The following FBN2 variants were observed in gnomAD, a reference collection of about 807,000 sequenced individuals.
The protein encoded by FBN2 is fibrillin-2.
FBN2 carries 105 observed loss-of-function variants against 355.6 expected under a neutral mutation model. That is an observed-to-expected ratio of 0.30 (90% confidence interval 0.25 to 0.35). The LOEUF is 0.35. FBN2 is among the 10% of genes least tolerant of loss of function. The pLI, the probability that FBN2 is intolerant of heterozygous loss-of-function variation, is 1.00. For missense variants in FBN2, 3,280 were observed against 3,758.7 expected (o/e 0.87, Z 3.33); for synonymous variants, 1,350 against 1,301.2 (o/e 1.04, Z -0.81).
rs573479599 is a variant in FBN2, at chr5:128,516,789, C to T, written c.628+2484G>A. Among the ~76,000 whole-genome samples the T allele has an allele frequency of 3.3e-5, 5 of 152,236 alleles. No individual in the cohort carries two copies. The South Asian group carries it at 1.0e-3, about 32-fold the overall frequency. On this transcript the variant is annotated intron_variant, in intron 5 of 64. Coordinates refer to ENST00000262464, the MANE Select transcript of FBN2 (RefSeq NM_001999.4). ...CACCAACCTCAACATAAGTGAGTTA[C>T]TCTTTTTGCATCCACACAGACACAA...
chr5:128,311,835 A>C, intron 38 of FBN2, 50 bp downstream of exon 38: 4 of 1,388,490 alleles, frequency 2.9e-6, no homozygotes, highest in Non-Finnish European at 4.1e-6. Context: ...TTTTCTCTAT[A>C]ATTAACTCTT....
chr5:128,285,913 T>C (rs1379290579), intron 55 of FBN2, among the ~76,000 whole-genome samples: 1 of 152,202 alleles, frequency 6.6e-6, no homozygotes, highest in African/African-American at 2.4e-5. Flanking sequence ...CATACATACA[T>C]TGTTTTCATT....
At chr5:128,491,726 A>G (rs1356528423) in intron 5 of FBN2, among the ~76,000 whole-genome samples, 1 of 152,230 alleles carries the variant, frequency 6.6e-6, no homozygotes, top group African/African-American at 2.4e-5. Context: ...AAGTCAACAA[A>G]AAGTCTACCT....
Position 128,334,973 on chromosome 5 carries a change from CGT to C in FBN2, c.3974-131_3974-130del, listed in dbSNP as rs1581223840. 3.5e-6 allele frequency: 4 copies of C among 1,143,898 alleles called. No homozygotes were observed. In the East Asian group the frequency reaches 7.5e-5, roughly 21 times the overall value. The allele number at this position is 1,143,898 out of a possible 1,614,324, so 70.9% of individuals were successfully genotyped here. A position where few individuals can be genotyped will look rare whatever the true frequency, so the allele number is the denominator to read the frequency against. ...AAAATATAATCCATCCGCAAATCAT[CGT>C]GTTATAGATAAATATACAACCTGCC... On this transcript the variant is annotated intron_variant, in intron 30 of 64. Coordinates refer to ENST00000262464, the MANE Select transcript of FBN2 (RefSeq NM_001999.4).
intron 8 of FBN2, among the ~76,000 whole-genome samples, chr5:128,403,382 G>T (rs1287342852): frequency 6.6e-6 from 1 of 152,164 alleles, no homozygotes; most frequent in Non-Finnish European, 1.5e-5. Flanking sequence ...ATTACTGGAA[G>T]AATTTCTAAA....
intron 8 of FBN2, among the ~76,000 whole-genome samples, chr5:128,401,817 A>G (rs924176619): frequency 1.3e-5 from 2 of 152,174 alleles, no homozygotes; most frequent in African/African-American, 4.8e-5. Context: ...ATTGTTCTAC[A>G]CAGTTTGGAA....
chr5:128,438,637 G>A (rs191907598), intron 7 of FBN2, among the ~76,000 whole-genome samples: 55 of 152,216 alleles, frequency 3.6e-4, no homozygotes, highest in Admixed American at 9.2e-4. Flanking sequence ...CTGTTCTGGG[G>A]GATAAAGGTT....
chr5:128,436,179 C>A (rs142709265), intron 7 of FBN2, among the ~76,000 whole-genome samples: 2 of 152,240 alleles, frequency 1.3e-5, no homozygotes, highest in Admixed American at 6.5e-5. Context: ...GATAAATATG[C>A]TAGGAGGTGC....
chr5:128,276,090 C>T lies in FBN2; in HGVS notation c.7542G>A (p.Gln2514=). The change falls in exon 59 of 65, where the codon CAG becomes CAA. Residue 2514 remains glutamine, a synonymous_variant. Coordinates refer to ENST00000262464, the MANE Select transcript of FBN2 (RefSeq NM_001999.4). ...YICKNTEGSY[Q]CSCPRGYVLQ... is the part of the protein sequence containing the mutation. ...GGACATACCCCCTCGGACATGAACA[C>T]TGATAACTCCCCTCAGTGTTCTTGC... 1 of 1,613,866 alleles carries T rather than the reference C, an allele frequency of 6.2e-7. No individual in the cohort carries two copies. The highest frequency in any genetic ancestry group is 8.5e-7 in the Non-Finnish European group (1 of 1,179,782).
chr5:128,319,195 C>CAAGA (rs1427726587), intron 34 of FBN2, among the ~76,000 whole-genome samples, 194 bp from the exon 35 acceptor site: 6 of 151,520 alleles, frequency 4.0e-5, no homozygotes, highest in African/African-American at 9.7e-5. Context: ...CTAAGATATA[C>CAAGA]AAGAATACTG....
chr5:128,494,249 C>A (rs1353777921), intron 5 of FBN2, among the ~76,000 whole-genome samples: 1 of 152,096 alleles, frequency 6.6e-6, no homozygotes, highest in Non-Finnish European at 1.5e-5. Flanking sequence ...AGAAGAAAGA[C>A]CTCTGAAACT....
rs1581224070 is a variant in FBN2, at chr5:128,335,246, A to G, written c.3897T>C (p.Cys1299=). The change falls in exon 30 of 65, where the codon TGT becomes TGC. Residue 1299 remains cysteine, a synonymous_variant. Transcript: ENST00000262464. Reference sequence around the variant, plus strand: ...AGCGATACTCTCCAGGAATGTTGGTACACTGGCCGCCATCACAGATATCAG... The same window carrying G: ...AGCGATACTCTCCAGGAATGTTGGTGCACTGGCCGCCATCACAGATATCAG... ...NNPDICDGGQ[C]TNIPGEYRCL... is the part of the protein sequence containing the mutation. The G allele has an allele frequency of 1.9e-6, 3 of 1,614,076 alleles. No individual in the cohort carries two copies. The highest frequency in any genetic ancestry group is 2.5e-6 in the Non-Finnish European group (3 of 1,180,012).
chr5:128,306,192 G>C lies in FBN2; in HGVS notation c.5423-244C>G, dbSNP rs181177812. 5.7e-4 allele frequency among the ~76,000 whole-genome samples: 87 copies of C among 152,242 alleles called. No individual in the cohort carries two copies. The East Asian group carries it at 0.016, about 28-fold the overall frequency. ...ACCAAGTAATTTCAGAGTCAATATA[G>C]CAAATGAACTTTCTAGGCAATCAAA... On this transcript the variant is annotated intron_variant, in intron 42 of 64. Transcript: ENST00000262464.
intron 5 of FBN2, among the ~76,000 whole-genome samples, chr5:128,497,655 G>T (rs1467839193): frequency 6.6e-6 from 1 of 152,104 alleles, no homozygotes; most frequent in Non-Finnish European, 1.5e-5. Context: ...TTAAAAGGGG[G>T]TGTTTTTTCT....
At chr5:128,263,771 T>C (rs1765044932) in intron 62 of FBN2, 115 bp from the exon 63 acceptor site, 2 of 674,698 alleles carry the variant, frequency 3.0e-6, no homozygotes, top group Non-Finnish European at 5.1e-6. Context: ...TCTAACACAG[T>C]ATTTTATTTT....
intron 5 of FBN2, among the ~76,000 whole-genome samples, chr5:128,486,293 C>A (rs1755336258): frequency 6.6e-6 from 1 of 152,098 alleles, no homozygotes; most frequent in African/African-American, 2.4e-5. Context: ...ACATCCCATG[C>A]CACTGTACCC....
At chr5:128,440,605 T>C (rs1475026405) in intron 7 of FBN2, among the ~76,000 whole-genome samples, 2 of 152,198 alleles carry the variant, frequency 1.3e-5, no homozygotes, top group Non-Finnish European at 2.9e-5. Context: ...GGGATTACAA[T>C]TTGACATGAG....
chr5:128,275,815 C>T (rs959780369), intron 59 of FBN2, among the ~76,000 whole-genome samples: 2 of 152,112 alleles, frequency 1.3e-5, no homozygotes, highest in Non-Finnish European at 2.9e-5. Flanking sequence ...AAAATTTATG[C>T]AGTTTTCTAT....
At position 128,288,539 on chromosome 5, in the gene FBN2, A is replaced by G; in HGVS notation, c.6656T>C (p.Ile2219Thr). Residue 2219 changes from isoleucine to threonine, a missense_variant, in exon 53 of 65, where the codon ATC becomes ACC. By Grantham distance (89) the Ile-to-Thr change is moderately conservative (BLOSUM62 -1). This residue lies in a region of FBN2 where 2,284 missense variants were observed against 2,749.5 expected (regional missense o/e 0.83). Transcript: ENST00000262464. ...VRCVDTDECS[I>T]GNPCGNGTCT... ...TGTACCATTTCCACACGGATTGCCG[A>G]TTGAACACTCATCAGTATCTGAAAA... 6.2e-7 allele frequency: 1 copy of G among 1,613,910 alleles called. No homozygotes were observed. The highest frequency in any genetic ancestry group is 1.1e-5 in the South Asian group (1 of 91,084).
Sources: gnomAD v4.1 joint callset for allele counts (sites outside exome capture counted in the v4.1 genomes callset) on GRCh38, gnomAD v4.1.1 for gene constraint, gnomAD v4.1.1 regional missense constraint, MANE v1.5 for transcripts, NCBI Gene and HGNC (gene_info 2026-07-23, HGNC 2026-07-21) for gene names.